The following PCDHA4 variants were observed in gnomAD, a reference collection of about 807,000 sequenced individuals.
PCDHA4 encodes the protein protocadherin alpha 4.
Under a neutral mutation model 61.4 loss-of-function variants are expected in PCDHA4, and 49 were observed. The observed-to-expected ratio is 0.80, with a 90% CI of 0.63 to 1.01. The LOEUF is 1.01. Among genes scored for constraint, PCDHA4 ranks in the 50% least tolerant of loss-of-function variants. The pLI is 0.00. For missense variants in PCDHA4, 1,254 were observed against 1,235.8 expected (o/e 1.01, Z -0.22); for synonymous variants, 590 against 550.3 (o/e 1.07, Z -1.01).
intron 1 of PCDHA4, chr5:140,884,638 G>C: frequency 6.2e-7 from 1 of 1,610,712 alleles, no homozygotes; most frequent in South Asian, 1.1e-5. Context: ...GCCAGAGGGA[G>C]GAGGACTCAG....
intron 1 of PCDHA4, among the ~76,000 whole-genome samples, chr5:140,951,684 A>G (rs1392497741): frequency 3.3e-5 from 5 of 152,144 alleles, no homozygotes; most frequent in African/African-American, 1.2e-4. Flanking sequence ...GGGGATTACA[A>G]TGTGACATGA....
At chr5:140,960,446 T>C (rs1563310715) in intron 1 of PCDHA4, among the ~76,000 whole-genome samples, 2 of 152,204 alleles carry the variant, frequency 1.3e-5, no homozygotes, top group African/African-American at 4.8e-5. Context: ...GATATATGTA[T>C]GGATAATTTT....
intron 3 of PCDHA4, among the ~76,000 whole-genome samples, chr5:140,985,903 C>G (rs1554247500): frequency 6.6e-6 from 1 of 151,964 alleles, no homozygotes; most frequent in Non-Finnish European, 1.5e-5. Context: ...CCACTCCCGT[C>G]TAATTTTTTG....
At chr5:140,822,270 A>T in intron 1 of PCDHA4, 1 of 1,614,256 alleles carries the variant, frequency 6.2e-7, no homozygotes, top group Non-Finnish European at 8.5e-7. Context: ...GAGCAAATGC[A>T]CAATTGAGAT....
chr5:140,857,003 G>A (rs74982530), intron 1 of PCDHA4: 2 of 1,595,436 alleles, frequency 1.3e-6, no homozygotes, highest in Admixed American at 1.7e-5. Flanking sequence ...TGAAATTCAT[G>A]TAGATGTTAC....
intron 1 of PCDHA4, chr5:140,848,167 C>A (rs1554142004): frequency 3.9e-6 from 1 of 254,352 alleles, no homozygotes; most frequent in African/African-American, 2.2e-5. Context: ...TAAGAAGGCT[C>A]CAGCAAGAGA....
chr5:140,828,136 C>G (rs936364862), intron 1 of PCDHA4: 1 of 1,613,734 alleles, frequency 6.2e-7, no homozygotes. Context: ...AATGTCTGCT[C>G]CTCCCGCTTC....
chr5:140,901,232 AT>A (rs2068522830), intron 1 of PCDHA4, among the ~76,000 whole-genome samples: 4 of 152,022 alleles, frequency 2.6e-5, no homozygotes, highest in East Asian at 1.9e-4. Context: ...CCATATATCC[AT>A]TTTTTTCCTT....
chr5:140,868,182 A>T (rs565452965), intron 1 of PCDHA4: 1 of 152,260 alleles, frequency 6.6e-6, no homozygotes, highest in African/African-American at 2.4e-5. Context: ...ATCTCATATT[A>T]TGCTACTATG....
At chr5:140,871,117 G>T in intron 1 of PCDHA4, 2 of 1,613,286 alleles carry the variant, frequency 1.2e-6, no homozygotes, top group Non-Finnish European at 1.7e-6. Flanking sequence ...GGTGGAGAGC[G>T]GACAGGCGCC....
rs782631166 is a variant in PCDHA4, at chr5:140,857,398, C to T, written c.2385+47826C>T. 1.3e-5 allele frequency: 21 copies of T among 1,598,542 alleles called. 2 individuals are homozygous for T. Among genetic ancestry groups the T allele is most frequent in the African/African-American group, 2.7e-5 (2 of 74,494 alleles). ...TGGAGGTGGCCGACGTGAACGACAA[C>T]GCGCCTGCGTTCGCGCAGTCCGAGT... On this transcript the variant is annotated intron_variant, in intron 1 of 3. Coordinates refer to ENST00000530339, the MANE Select transcript of PCDHA4 (RefSeq NM_018907.4).
At chr5:140,857,581 G>C (rs781800563) in intron 1 of PCDHA4, 4 of 1,596,740 alleles carry the variant, frequency 2.5e-6, no homozygotes, top group African/African-American at 1.3e-5. Flanking sequence ...CGGTGCACGC[G>C]GAGAGCGGCA....
intron 1 of PCDHA4, chr5:140,821,682 T>C: frequency 7.4e-7 from 1 of 1,350,590 alleles, no homozygotes; most frequent in Non-Finnish European, 1.0e-6. Flanking sequence ...AGAAAGGCGA[T>C]AATATAAAAA....
At position 140,835,851 on chromosome 5, in the gene PCDHA4, G is replaced by C. The variant is rs2150246583; in HGVS notation, c.2385+26279G>C. 1.9e-5 allele frequency: 30 copies of C among 1,612,172 alleles called. No homozygotes were observed. In the South Asian group the frequency reaches 3.0e-4, roughly 16 times the overall value. ...CGCGGACGCGCAGAAGAACGCGCTG[G>C]TGTCCTACTCGCTGGTGGAGCTGCG... On this transcript the variant is annotated intron_variant, in intron 1 of 3. Coordinates refer to ENST00000530339, the MANE Select transcript of PCDHA4 (RefSeq NM_018907.4).
At chr5:141,006,622 T>C (rs555577523) in intron 3 of PCDHA4, among the ~76,000 whole-genome samples, 21 of 152,132 alleles carry the variant, frequency 1.4e-4, no homozygotes, top group Non-Finnish European at 7.3e-5. Flanking sequence ...AAGGAGACTA[T>C]TGCTGCAATT....
chr5:140,846,989 C>T (rs1449097023), intron 1 of PCDHA4, among the ~76,000 whole-genome samples: 1 of 149,196 alleles, frequency 6.7e-6, no homozygotes, highest in Non-Finnish European at 1.5e-5. Flanking sequence ...AAGTTCCCCC[C>T]GGGAGAATAT....
intron 1 of PCDHA4, among the ~76,000 whole-genome samples, chr5:140,925,561 G>A (rs972926230): frequency 6.6e-6 from 1 of 151,674 alleles, no homozygotes; most frequent in African/African-American, 2.4e-5. Flanking sequence ...ACAAGTTAAT[G>A]GGTGCAGCAC....
At chr5:140,858,377 T>C in intron 1 of PCDHA4, 3 of 1,587,044 alleles carry the variant, frequency 1.9e-6, no homozygotes, top group Non-Finnish European at 2.6e-6. Flanking sequence ...CCTTCCACCA[T>C]GCCCAATGGT....
intron 1 of PCDHA4, chr5:140,843,852 T>C: frequency 2.1e-6 from 2 of 964,906 alleles, no homozygotes; most frequent in Non-Finnish European, 3.1e-6. Flanking sequence ...AAACCTTTTA[T>C]AATTAATTGA....
Sources: allele counts gnomAD v4.1 joint callset (sites outside exome capture counted in the v4.1 genomes callset), GRCh38; gene constraint gnomAD v4.1.1; transcripts MANE v1.5; gene names NCBI Gene and HGNC (gene_info 2026-07-23, HGNC 2026-07-21).